The following CUX2 variants were observed in gnomAD, a reference collection of about 807,000 sequenced individuals.
CUX2 encodes homeobox protein cut-like 2.
A neutral mutation model predicts 144.8 loss-of-function variants in CUX2; 40 were observed. That is an observed-to-expected ratio of 0.28 (90% CI 0.21 to 0.36). CUX2 has a LOEUF of 0.36. Ranked by LOEUF, CUX2 falls within the 10% of genes least tolerant of loss-of-function variation. CUX2 has a pLI of 1.00. For synonymous variants in CUX2, 827 were observed against 875.6 expected (o/e 0.94, Z 0.98); for missense variants, 1,615 against 1,994.0 (o/e 0.81, Z 3.62).
rs1159292345 is a variant in CUX2, at chr12:111,349,350, A to G, written c.*1025A>G. On this transcript the variant is annotated 3_prime_UTR_variant, in exon 22 of 22. Transcript: ENST00000261726. ...GGTATTCCAGAGCAAGACTGTGGCC[A>G]CCATCTTCCCCTCTTGGTGTTTTCC... The G allele has an allele frequency of 1.3e-5, 2 of 152,184 alleles. No individual in the cohort carries two copies. Among genetic ancestry groups the G allele is most frequent in the African/African-American group, 4.8e-5 (2 of 41,430 alleles). 9.4% of individuals were successfully genotyped at this position (152,184 alleles called of 1,614,324 possible).
rs149635534 is a variant in CUX2, at chr12:111,074,472, T to G, written c.63+40232T>G. ...TCTAGCTGTTCCCTGCCTGATCAGC[T>G]GGGTCAGCTCTCTGCTGTGAGTGAA... On this transcript the variant is annotated intron_variant, in intron 1 of 21. Transcript: ENST00000261726. 1.1e-4 allele frequency among the ~76,000 whole-genome samples: 17 copies of G among 152,120 alleles called. No individual in the cohort carries two copies. In the East Asian group the frequency reaches 2.9e-3, roughly 26 times the overall value.
At chr12:111,265,610 T>C (rs1423711897) in intron 4 of CUX2, among the ~76,000 whole-genome samples, 2 of 152,140 alleles carry the variant, frequency 1.3e-5, no homozygotes, top group African/African-American at 4.8e-5. Flanking sequence ...CCCAAAGTGC[T>C]AGGATTACAG....
At position 111,334,043 on chromosome 12, in the gene CUX2, A is replaced by C. The variant is rs145315835; in HGVS notation, c.2927-398A>C. Among the ~76,000 whole-genome samples the C allele has an allele frequency of 2.2e-3, 326 of 151,356 alleles. 1 individual carries two copies. Among genetic ancestry groups the C allele is most frequent in the Middle Eastern group, 0.01 (3 of 288 alleles). On this transcript the variant is annotated intron_variant, in intron 18 of 21. Transcript: ENST00000261726. ...TCTACTAAAGATACAAAAAATTAGC[A>C]GGGCGTAGTGGCGCATGCCTGTAGT...
Position 111,307,109 on chromosome 12 carries a change from A to T in CUX2, c.1047A>T (p.Ile349=). 6.2e-7 allele frequency: 1 copy of T among 1,613,088 alleles called. No individual in the cohort carries two copies. Among genetic ancestry groups the T allele is most frequent in the Non-Finnish European group, 8.5e-7 (1 of 1,179,236 alleles). Reference sequence around the variant, plus strand: ...AGCTCACGGCCAAGTCCGAGGCCATAGAAGTGGGTCCTGGGGAGGAGGCAG... The same window carrying T: ...AGCTCACGGCCAAGTCCGAGGCCATTGAAGTGGGTCCTGGGGAGGAGGCAG... ...ERQLTAKSEA[I]EKLEEKLQAQ... The change falls in exon 11 of 22, where the codon ATA becomes ATT. Residue 349 remains isoleucine, a synonymous_variant. Coordinates refer to ENST00000261726, the MANE Select transcript of CUX2 (RefSeq NM_015267.4). The surrounding 1 kb of genome is among the most constrained non-coding windows in gnomAD (Gnocchi z 4.1).
intron 1 of CUX2, among the ~76,000 whole-genome samples, chr12:111,152,356 C>T (rs918751746): frequency 1.3e-5 from 2 of 152,070 alleles, no homozygotes; most frequent in African/African-American, 4.8e-5. Context: ...GCTGGTAGTG[C>T]AGGCAATAGA....
intron 1 of CUX2, among the ~76,000 whole-genome samples, chr12:111,046,158 C>T (rs1208405239): frequency 6.6e-6 from 1 of 152,246 alleles, no homozygotes; most frequent in Non-Finnish European, 1.5e-5. Context: ...CAGCAGCCAG[C>T]AGCCAGGTGC....
At chr12:111,185,123 A>G (rs1226988637) in intron 1 of CUX2, among the ~76,000 whole-genome samples, 1 of 152,244 alleles carries the variant, frequency 6.6e-6, no homozygotes, top group Admixed American at 6.5e-5. Context: ...AACAAAGGAA[A>G]GAAAGATTCT....
At chr12:111,162,294 G>A (rs749308268) in intron 1 of CUX2, among the ~76,000 whole-genome samples, 1 of 152,252 alleles carries the variant, frequency 6.6e-6, no homozygotes, top group African/African-American at 2.4e-5. Context: ...TCCAGTGACT[G>A]CCACGGGTGG....
At chr12:111,169,135 C>T (rs555635724) in intron 1 of CUX2, among the ~76,000 whole-genome samples, 6 of 152,260 alleles carry the variant, frequency 3.9e-5, no homozygotes, top group African/African-American at 1.4e-4. Context: ...AATCTAATGA[C>T]TGATTGTACT....
intron 1 of CUX2, among the ~76,000 whole-genome samples, chr12:111,096,275 C>T (rs1872811277): frequency 6.6e-6 from 1 of 152,188 alleles, no homozygotes; most frequent in African/African-American, 2.4e-5. Flanking sequence ...CCTTGGAGGT[C>T]TCAAGTTCCC....
At position 111,151,145 on chromosome 12, in the gene CUX2, G is replaced by A. The variant is rs367918003; in HGVS notation, c.64-63055G>A. On this transcript the variant is annotated intron_variant, in intron 1 of 21. Coordinates refer to ENST00000261726, the MANE Select transcript of CUX2 (RefSeq NM_015267.4). The stretch of plus-strand genomic sequence containing the variant: ...ACTAACTGGTTCCTGCCTGAGAGCC[G>A]TGGTTTTAAATTGGCTAATGCAGAA... Among the ~76,000 whole-genome samples the A allele has an allele frequency of 2.4e-4, 36 of 152,308 alleles. No homozygotes were observed. The East Asian group carries it at 6.4e-3, about 27-fold the overall frequency.
intron 3 of CUX2, among the ~76,000 whole-genome samples, chr12:111,237,705 G>A (rs1882828844): frequency 6.6e-6 from 1 of 152,120 alleles, no homozygotes; most frequent in South Asian, 2.1e-4. Flanking sequence ...CCACCTCCAA[G>A]ACCATCTGCT....
intron 1 of CUX2, among the ~76,000 whole-genome samples, chr12:111,183,222 G>A (rs914579461): frequency 1.3e-5 from 2 of 152,266 alleles, no homozygotes; most frequent in African/African-American, 4.8e-5. Context: ...TGAATGATAT[G>A]TGAACATCCA....
chr12:111,217,782 G>T (rs1455322386), intron 2 of CUX2, 108 bp from the exon 3 acceptor site: 13 of 1,169,146 alleles, frequency 1.1e-5, no homozygotes, highest in Non-Finnish European at 1.7e-5. Context: ...GGCCCCACGG[G>T]ACATGCTTGG....
chr12:111,091,076 G>A (rs1465999180), intron 1 of CUX2, among the ~76,000 whole-genome samples: 2 of 152,174 alleles, frequency 1.3e-5, no homozygotes, highest in Non-Finnish European at 2.9e-5. Flanking sequence ...ATGGGACCTT[G>A]AGCCAGGAAT....
chr12:111,251,391 G>A (rs367843707), intron 3 of CUX2, among the ~76,000 whole-genome samples: 47 of 152,252 alleles, frequency 3.1e-4, no homozygotes, highest in African/African-American at 9.1e-4. Flanking sequence ...AGTTGCCACC[G>A]AGCGGAGGTG....
chr12:111,296,343 A>T (rs886985363), intron 7 of CUX2, 130 bp from the exon 8 acceptor site: 7 of 707,166 alleles, frequency 9.9e-6, no homozygotes, highest in African/African-American at 8.9e-5. Flanking sequence ...TGAGAGAAAG[A>T]TCTCCCTCAC....
In CUX2 at chr12:111,188,575, G is replaced by A. The variant is rs1284765458; in HGVS notation, c.64-25625G>A. Among the ~76,000 whole-genome samples the A allele has an allele frequency of 3.3e-5, 5 of 152,178 alleles. No homozygotes were observed. The East Asian group carries it at 7.7e-4, about 23-fold the overall frequency. On this transcript the variant is annotated intron_variant, in intron 1 of 21. Coordinates refer to ENST00000261726, the MANE Select transcript of CUX2 (RefSeq NM_015267.4). ...AGGTCCAGGCATGGGAACAGCAGGT[G>A]CAAAGGTCCTGAGGTAGCCAGATGC...
chr12:111,330,722 T>TACAC (rs1259265035), intron 18 of CUX2, among the ~76,000 whole-genome samples: 1 of 51,552 alleles, frequency 1.9e-5, no homozygotes, highest in African/African-American at 1.1e-4. Context: ...TATATATATA[T>TACAC]ATATATATAT....
Sources: gnomAD v4.1 joint callset for allele counts (sites outside exome capture counted in the v4.1 genomes callset) on GRCh38, gnomAD v4.1.1 for gene constraint, Gnocchi (gnomAD v3.1) non-coding constraint, MANE v1.5 for transcripts, NCBI Gene and HGNC (gene_info 2026-07-23, HGNC 2026-07-21) for gene names.